KLHL29: variants seen among roughly 807,000 people sequenced by gnomAD.
KLHL29 encodes the protein kelch like family member 29, also known as kelch-like protein 29.
In KLHL29, 21 loss-of-function variants were observed where a neutral mutation model predicts 80.4. That is an observed-to-expected ratio of 0.26 (90% confidence interval 0.19 to 0.38). The LOEUF (loss-of-function observed/expected upper bound fraction) is 0.38. KLHL29 is among the 10% of genes least tolerant of loss of function. The pLI is 1.00. For synonymous variants in KLHL29, 511 were observed against 526.8 expected, an observed-to-expected ratio of 0.97 and a Z score of 0.41; for missense variants, 867 against 1,223.9, an observed-to-expected ratio of 0.71 and a Z score of 4.35.
At chr2:23,608,796 C>A (rs1251369221) in intron 3 of KLHL29, among the ~76,000 whole-genome samples, 1 of 152,146 alleles carries the variant, frequency 6.6e-6, no homozygotes, top group Non-Finnish European at 1.5e-5. Context: ...ATTAAAAATT[C>A]TAAATCACAC....
rs143137138 is a variant in KLHL29 at position 23,606,398 on chromosome 2, G to A, written c.286-32741G>A. 4.3e-3 allele frequency among the ~76,000 whole-genome samples: 659 copies of A among 152,146 alleles called. 5 individuals carry two copies. The highest frequency in any genetic ancestry group is 0.015 in the African/African-American group (631 of 41,484). On this transcript the variant is annotated intron_variant, in intron 3 of 13. Transcript: ENST00000486442. ...CACGTCCCTTGTGTGATTGCAAGGC[G>A]CCCTTCCTGTGACTCACTGTGTCCT...
At chr2:23,544,991 C>T (rs1449807099) in intron 2 of KLHL29, among the ~76,000 whole-genome samples, 1 of 152,152 alleles carries the variant, frequency 6.6e-6, no homozygotes, top group Non-Finnish European at 1.5e-5. Context: ...AACAGGATCA[C>T]TCTGGCTGCT....
intron 1 of KLHL29, among the ~76,000 whole-genome samples, chr2:23,421,648 G>A (rs1285117364): frequency 6.8e-6 from 1 of 147,212 alleles, no homozygotes; most frequent in African/African-American, 2.5e-5. Context: ...TGTGTGTCTT[G>A]GTGTGTGAAC....
chr2:23,480,636 T>A (rs1664774970), intron 2 of KLHL29, among the ~76,000 whole-genome samples: 1 of 152,236 alleles, frequency 6.6e-6, no homozygotes, highest in Non-Finnish European at 1.5e-5. Flanking sequence ...TTCTATGGCT[T>A]GAGGAACTGA....
At chr2:23,650,745 T>C (rs1572466754) in intron 5 of KLHL29, among the ~76,000 whole-genome samples, 2 of 152,346 alleles carry the variant, frequency 1.3e-5, no homozygotes, top group Admixed American at 1.3e-4. Context: ...AGGGGTTTAA[T>C]GTCGAGTTTC....
chr2:23,538,382 C>T lies in KLHL29; in HGVS notation c.-45-23770C>T, dbSNP rs533807914. Among the ~76,000 whole-genome samples, 18 of 152,338 alleles carry T rather than the reference C, an allele frequency of 1.2e-4. No individual in the cohort carries two copies. The South Asian group carries it at 2.9e-3, about 25-fold the overall frequency. On this transcript the variant is annotated intron_variant, in intron 2 of 13. Coordinates refer to ENST00000486442, the MANE Select transcript of KLHL29 (RefSeq NM_052920.2). ...AAAGCTGGAATTCCTAATTCTCCCT[C>T]CTATCTGTTTGGCTCCATTCTTATT...
rs373469438 is a variant in KLHL29, at chr2:23,495,865, C to T, written c.-46+20198C>T. Reference sequence around the variant, plus strand: ...GCAGGCAGGACCTCCTAATTTTTTCCACTTCTTGTGATTAGCGTTGCAGAC... The same window carrying T: ...GCAGGCAGGACCTCCTAATTTTTTCTACTTCTTGTGATTAGCGTTGCAGAC... On this transcript the variant is annotated intron_variant, in intron 2 of 13. Transcript: ENST00000486442. 3.3e-5 allele frequency among the ~76,000 whole-genome samples: 5 copies of T among 152,224 alleles called. No homozygotes were observed. In the East Asian group the frequency reaches 9.6e-4, roughly 29 times the overall value.
At chr2:23,436,864 C>T (rs1450087433) in intron 1 of KLHL29, among the ~76,000 whole-genome samples, 1 of 152,212 alleles carries the variant, frequency 6.6e-6, no homozygotes, top group African/African-American at 2.4e-5. Flanking sequence ...TGACTAGAAG[C>T]TGCGTCTGTT....
At chr2:23,436,017 A>G (rs1414604698) in intron 1 of KLHL29, among the ~76,000 whole-genome samples, 2 of 148,004 alleles carry the variant, frequency 1.4e-5, no homozygotes, top group Non-Finnish European at 3.0e-5. Flanking sequence ...TCCTCCGGCT[A>G]TTTCTAATCT....
At chr2:23,547,771 G>C (rs1250915152) in intron 2 of KLHL29, among the ~76,000 whole-genome samples, 1 of 152,038 alleles carries the variant, frequency 6.6e-6, no homozygotes, top group African/African-American at 2.4e-5. Flanking sequence ...CTTACATCCT[G>C]CTGAGTTCAG....
intron 1 of KLHL29, among the ~76,000 whole-genome samples, chr2:23,472,559 G>A (rs1188268506): frequency 3.3e-5 from 5 of 152,144 alleles, no homozygotes; most frequent in East Asian, 1.9e-4. Flanking sequence ...GCTTGAACCC[G>A]GGAGGCGGAG....
At position 23,562,201 on chromosome 2, in the gene KLHL29, C is replaced by G; in HGVS notation, c.5C>G (p.Ser2Cys). 1 of 1,550,630 alleles carries G rather than the reference C, an allele frequency of 6.4e-7. No individual in the cohort carries two copies. The highest frequency in any genetic ancestry group is 8.7e-7 in the Non-Finnish European group (1 of 1,146,992). ...AAGCCGCCTCGGCCCACCGAGATGT[C>G]CCGGCACCATAGCCGCTTCGAAAGA... M[S>C]RHHSRFERDY... The change falls in exon 3 of 14, where the codon TCC (serine) becomes TGC (cysteine). Residue 2 changes from serine (S) to cysteine (C), a missense_variant. This residue lies in a region of KLHL29 where 424 missense variants were observed against 456.9 expected (regional missense o/e 0.93). Transcript: ENST00000486442. This position sits in a 1 kb window ranked among gnomAD's most constrained non-coding sequence, Gnocchi z 4.5.
chr2:23,701,519 C>T (rs1672364227), intron 11 of KLHL29, among the ~76,000 whole-genome samples: 1 of 152,152 alleles, frequency 6.6e-6, no homozygotes, highest in African/African-American at 2.4e-5. Context: ...TCGAGACCAG[C>T]CTGGGCAACA....
chr2:23,673,972 A>T lies in KLHL29; in HGVS notation c.941-10427A>T, dbSNP rs957197935. Among the ~76,000 whole-genome samples, 14 of 152,262 alleles carry T rather than the reference A, an allele frequency of 9.2e-5. No homozygotes were observed. The East Asian group carries it at 2.7e-3, about 29-fold the overall frequency. ...ACACCAGTGACCTTCAGTCCCTAAC[A>T]TGGCCCTCTCACACCTCAGCCTGTG... On this transcript the variant is annotated intron_variant, in intron 5 of 13. Transcript: ENST00000486442.
Position 23,693,303 on chromosome 2 carries a change from G to C in KLHL29, c.1317G>C (p.Val439=), listed in dbSNP as rs1249439708. The change falls in exon 8 of 14, where the codon GTG becomes GTC. Residue 439 remains valine (V), a synonymous_variant. Coordinates refer to ENST00000486442, the MANE Select transcript of KLHL29 (RefSeq NM_052920.2). ...TGACGGCCAGCAACTGCCTGGGCGT[G>C]CTGGCCATGGCCGAGGCCATGCAGT... The part of the protein sequence containing the change: ...KQLTASNCLG[V]LAMAEAMQCS... 1 of 1,546,428 alleles carries C rather than the reference G, an allele frequency of 6.5e-7. No individual in the cohort carries two copies. The highest frequency in any genetic ancestry group is 8.7e-7 in the Non-Finnish European group (1 of 1,143,552).
intron 2 of KLHL29, among the ~76,000 whole-genome samples, chr2:23,482,581 A>G (rs747187476): frequency 6.6e-6 from 1 of 152,226 alleles, no homozygotes; most frequent in Non-Finnish European, 1.5e-5. Flanking sequence ...GTGTGCATAC[A>G]TTGAGTGACC....
intron 2 of KLHL29, among the ~76,000 whole-genome samples, chr2:23,549,033 G>A (rs1314848383): frequency 6.6e-6 from 1 of 152,206 alleles, no homozygotes; most frequent in African/African-American, 2.4e-5. Context: ...TGGGTAGGGG[G>A]ATGTCTTCAG....
rs1297941601 is a variant in KLHL29, at chr2:23,596,823, G to A, written c.285+34342G>A. Reference sequence around the variant, plus strand: ...GACATAAATAAATAAGGGATTCCTGGTACATACTTTACCCATTTTTCAGAT... The same window carrying A: ...GACATAAATAAATAAGGGATTCCTGATACATACTTTACCCATTTTTCAGAT... On this transcript the variant is annotated intron_variant, in intron 3 of 13. Coordinates refer to ENST00000486442, the MANE Select transcript of KLHL29 (RefSeq NM_052920.2). This position sits in a 1 kb window ranked among gnomAD's most constrained non-coding sequence, Gnocchi z 4.4. 6.6e-6 allele frequency among the ~76,000 whole-genome samples: 1 copy of A among 152,160 alleles called. No individual in the cohort carries two copies. The highest frequency in any genetic ancestry group is 1.5e-5 in the Non-Finnish European group (1 of 68,032).
At chr2:23,431,721 G>A (rs185958118) in intron 1 of KLHL29, among the ~76,000 whole-genome samples, 3 of 152,106 alleles carry the variant, frequency 2.0e-5, no homozygotes, top group South Asian at 2.1e-4. Context: ...GTGAAACCCC[G>A]TCTCTACTAA....
Sources: allele counts gnomAD v4.1 joint callset (sites outside exome capture counted in the v4.1 genomes callset), GRCh38; gene constraint gnomAD v4.1.1; regional missense constraint gnomAD v4.1.1; non-coding constraint Gnocchi (gnomAD v3.1); transcripts MANE v1.5; gene names NCBI Gene and HGNC (gene_info 2026-07-23, HGNC 2026-07-21).